FTO: variants seen among roughly 807,000 people sequenced by gnomAD.
The protein encoded by FTO is FTO alpha-ketoglutarate dependent dioxygenase, also known as alpha-ketoglutarate-dependent dioxygenase FTO.
Under a neutral mutation model 63.9 loss-of-function variants are expected in FTO, and 47 were observed. That is an observed-to-expected ratio of 0.74 (90% CI 0.58 to 0.94). The LOEUF (loss-of-function observed/expected upper bound fraction) is 0.94. Among genes scored for constraint, FTO ranks in the 40% least tolerant of loss-of-function variants. The pLI is 0.00. For missense variants in FTO, 562 were observed against 618.1 expected (o/e 0.91, Z 0.96); for synonymous variants, 207 against 224.4 (o/e 0.92, Z 0.69).
intron 7 of FTO, among the ~76,000 whole-genome samples, chr16:53,921,637 C>T (rs760846470): frequency 6.6e-5 from 10 of 151,894 alleles, no homozygotes; most frequent in South Asian, 2.1e-4. Context: ...GGCAAGGCAC[C>T]GTGGAAGTAT....
At chr16:54,110,714 T>C (rs1232000581) in intron 8 of FTO, among the ~76,000 whole-genome samples, 3 of 152,350 alleles carry the variant, frequency 2.0e-5, no homozygotes, top group African/African-American at 4.8e-5. Flanking sequence ...ATAGTGAGCA[T>C]GACCACTTTT....
chr16:54,051,487 G>A (rs1397771991), intron 8 of FTO, among the ~76,000 whole-genome samples: 2 of 152,226 alleles, frequency 1.3e-5, no homozygotes, highest in East Asian at 1.9e-4. Context: ...AGGCTTTGCC[G>A]TGGATCTGCC....
At chr16:53,743,901 G>C (rs2076585746) in intron 1 of FTO, among the ~76,000 whole-genome samples, 1 of 151,924 alleles carries the variant, frequency 6.6e-6, no homozygotes, top group Non-Finnish European at 1.5e-5. Context: ...TCTCCGTTTG[G>C]AAGTTGTTAA....
intron 8 of FTO, among the ~76,000 whole-genome samples, chr16:53,947,139 C>T (rs767591854): frequency 1.1e-4 from 17 of 152,328 alleles, no homozygotes; most frequent in Non-Finnish European, 2.5e-4. Flanking sequence ...TGCCTTGCTG[C>T]TGCACTGTGA....
At chr16:53,975,796 A>G (rs1008673478) in intron 8 of FTO, among the ~76,000 whole-genome samples, 2 of 152,202 alleles carry the variant, frequency 1.3e-5, no homozygotes, top group Non-Finnish European at 2.9e-5. Flanking sequence ...TATGTGGCTC[A>G]CCCAAGCAAT....
At chr16:53,762,754 A>G (rs1209899805) in intron 1 of FTO, among the ~76,000 whole-genome samples, 2 of 152,230 alleles carry the variant, frequency 1.3e-5, no homozygotes, top group African/African-American at 4.8e-5. Context: ...TGTTGTTTGC[A>G]TTATCTTATC....
intron 7 of FTO, among the ~76,000 whole-genome samples, chr16:53,899,262 G>A (rs980029537): frequency 1.3e-5 from 2 of 151,438 alleles, no homozygotes; most frequent in Middle Eastern, 3.2e-3. Context: ...GCTTAAGTAG[G>A]TTATTAGTTT....
intron 8 of FTO, among the ~76,000 whole-genome samples, chr16:53,999,377 G>T (rs951950949): frequency 1.3e-5 from 2 of 152,158 alleles, no homozygotes; most frequent in Non-Finnish European, 2.9e-5. Flanking sequence ...AAGACTTTCC[G>T]GGTAAAGTTT....
chr16:54,009,099 A>G (rs924010801), intron 8 of FTO, among the ~76,000 whole-genome samples: 3 of 152,098 alleles, frequency 2.0e-5, no homozygotes, highest in Non-Finnish European at 4.4e-5. Flanking sequence ...CTTTGAGGAA[A>G]GGAACTGTCA....
intron 4 of FTO, among the ~76,000 whole-genome samples, chr16:53,844,912 G>GTT (rs57121366): frequency 1.4e-5 from 2 of 147,166 alleles, no homozygotes. Context: ...AGTAGTGAGA[G>GTT]TTTTTTTTTT....
intron 8 of FTO, among the ~76,000 whole-genome samples, chr16:53,941,308 T>A (rs2082523967): frequency 6.6e-6 from 1 of 152,198 alleles, no homozygotes; most frequent in Non-Finnish European, 1.5e-5. Flanking sequence ...GAGGTGGTAG[T>A]TAATAAGAAT....
intron 8 of FTO, among the ~76,000 whole-genome samples, chr16:54,092,741 C>T (rs547480995): frequency 1.3e-5 from 2 of 152,328 alleles, no homozygotes; most frequent in African/African-American, 4.8e-5. Flanking sequence ...TGAAAAAGGA[C>T]GTTAACTTGG....
intron 7 of FTO, among the ~76,000 whole-genome samples, chr16:53,917,441 G>T (rs7197167): frequency 0.69 from 105,616 of 152,048 alleles, 38,896 homozygotes; most frequent in East Asian, 0.99. Context: ...TAATAAAACC[G>T]ATTTCACTGA....
chr16:53,914,577 T>C (rs1394166175), intron 7 of FTO, among the ~76,000 whole-genome samples: 3 of 143,364 alleles, frequency 2.1e-5, no homozygotes, highest in Admixed American at 1.4e-4. Flanking sequence ...GGAGGACAGA[T>C]TGGGAAGGCA....
chr16:54,099,142 C>G (rs1455741679), intron 8 of FTO, among the ~76,000 whole-genome samples: 1 of 152,112 alleles, frequency 6.6e-6, no homozygotes, highest in Non-Finnish European at 1.5e-5. Context: ...CTTGATACTA[C>G]CCGGTGGGGA....
chr16:53,755,488 C>T (rs768741681), intron 1 of FTO, among the ~76,000 whole-genome samples: 39 of 152,160 alleles, frequency 2.6e-4, no homozygotes, highest in Admixed American at 1.5e-3. Flanking sequence ...CCATATATTT[C>T]GGTGGCTCTT....
At position 54,018,025 on chromosome 16, in the gene FTO, C is replaced by T. The variant is rs541775684; in HGVS notation, c.1364+83916C>T. 2.6e-3 allele frequency among the ~76,000 whole-genome samples: 401 copies of T among 152,072 alleles called. 3 individuals are homozygous for T. The Middle Eastern group carries it at 0.037, about 14-fold the overall frequency. Reference sequence around the variant, plus strand: ...TTGGTAGATATTCTTTGGGCTCTGACACGTACACACATGTTGACTTTTATC... The same window carrying T: ...TTGGTAGATATTCTTTGGGCTCTGATACGTACACACATGTTGACTTTTATC... On this transcript the variant is annotated intron_variant, in intron 8 of 8. Transcript: ENST00000471389.
chr16:53,953,126 AT>A (rs1336050420), intron 8 of FTO, among the ~76,000 whole-genome samples: 1 of 152,228 alleles, frequency 6.6e-6, no homozygotes, highest in African/African-American at 2.4e-5. Context: ...GCAGAACAAA[AT>A]GGGTTGAAAG....
intron 7 of FTO, among the ~76,000 whole-genome samples, chr16:53,910,188 A>G (rs573768955): frequency 1.3e-5 from 2 of 152,274 alleles, no homozygotes; most frequent in African/African-American, 4.8e-5. Context: ...GCAGAAAAGT[A>G]TGTGGTGCCT....
Sources: allele counts gnomAD v4.1 joint callset (sites outside exome capture counted in the v4.1 genomes callset), GRCh38; gene constraint gnomAD v4.1.1; transcripts MANE v1.5; gene names NCBI Gene and HGNC (gene_info 2026-07-23, HGNC 2026-07-21).